Variants in ASCC3 observed in about 807,000 individuals in gnomAD.
ASCC3 encodes the protein activating signal cointegrator 1 complex subunit 3, also known as ASC-1 complex subunit P200.
Under a neutral mutation model 256.3 loss-of-function variants are expected in ASCC3, and 158 were observed. That is an observed-to-expected ratio of 0.62 (90% CI 0.54 to 0.70). The LOEUF (loss-of-function observed/expected upper bound fraction) is 0.70, where lower values mean the gene tolerates loss of function less well. ASCC3 is among the 30% of genes least tolerant of loss of function. The pLI, the probability that ASCC3 is intolerant of heterozygous loss-of-function variation, is 0.00. For synonymous variants in ASCC3, 948 were observed against 883.4 expected (o/e 1.07, Z -1.30); for missense variants, 2,259 against 2,626.0 (o/e 0.86, Z 3.05).
intron 3 of ASCC3, chr6:100,858,694 T>C: frequency 9.9e-7 from 1 of 1,012,296 alleles, no homozygotes. Context: ...CATTTGACAG[T>C]ACATTTTAAT....
intron 4 of ASCC3, among the ~76,000 whole-genome samples, chr6:100,847,302 C>A (rs1009787423): frequency 6.6e-6 from 1 of 151,938 alleles, no homozygotes; most frequent in Non-Finnish European, 1.5e-5. Flanking sequence ...ATATTATGTT[C>A]AGAATGTTAG....
intron 36 of ASCC3, among the ~76,000 whole-genome samples, chr6:100,584,027 TAGGTG>T (rs1771483167): frequency 6.6e-6 from 1 of 152,068 alleles, no homozygotes; most frequent in African/African-American, 2.4e-5. Context: ...AATTTTGGAA[TAGGTG>T]TGGTGTGGTG....
chr6:100,512,400 G>C lies in ASCC3; in HGVS notation c.6285+309C>G, dbSNP rs75101853. Among the ~76,000 whole-genome samples, 437 of 152,272 alleles carry C rather than the reference G, an allele frequency of 2.9e-3. 3 individuals carry two copies. The highest frequency in any genetic ancestry group is 0.01 in the African/African-American group (423 of 41,536). On this transcript the variant is annotated intron_variant, in intron 40 of 41. Transcript: ENST00000369162. ...TTGAGGTTCTGATTCAGCCAGTCTG[G>C]AGTGGGGCCAAGGAATCTGCACTTT...
At chr6:100,810,855 A>T (rs1770428829) in intron 4 of ASCC3, among the ~76,000 whole-genome samples, 1 of 152,294 alleles carries the variant, frequency 6.6e-6, no homozygotes, top group Middle Eastern at 3.4e-3. Flanking sequence ...CTAAATCTAC[A>T]TTAAGATTCC....
chr6:100,853,551 G>C (rs1230496312), intron 3 of ASCC3, among the ~76,000 whole-genome samples: 1 of 151,332 alleles, frequency 6.6e-6, no homozygotes, highest in African/African-American at 2.4e-5. Flanking sequence ...TGCAACCTTC[G>C]CCTCCTGGGC....
intron 3 of ASCC3, chr6:100,857,513 T>C (rs1395429880): frequency 2.0e-5 from 3 of 152,098 alleles, no homozygotes; most frequent in African/African-American, 4.8e-5. Context: ...TTGTGTATCA[T>C]GCTTAATTCT....
intron 20 of ASCC3, among the ~76,000 whole-genome samples, chr6:100,650,204 T>G (rs1043710086): frequency 1.6e-4 from 24 of 151,848 alleles, no homozygotes; most frequent in African/African-American, 5.1e-4. Flanking sequence ...TTAACTTTTC[T>G]CTTTATAAGT....
In ASCC3 at chr6:100,856,349, A is replaced by G. The variant is rs750673480; in HGVS notation, c.242-7642T>C. The G allele has an allele frequency of 2.8e-4, 268 of 960,426 alleles. 1 individual carries two copies. Among genetic ancestry groups the G allele is most frequent in the Non-Finnish European group, 3.1e-4 (250 of 807,246 alleles). 59.5% of individuals were successfully genotyped at this position (960,426 alleles called of 1,614,324 possible). ...TATTATACTTATGATACTGTTTACCAGGACCTGAGCAGGGTACATAGGAGT... is the reference window on the plus strand; with the variant it reads ...TATTATACTTATGATACTGTTTACCGGGACCTGAGCAGGGTACATAGGAGT... On this transcript the variant is annotated intron_variant, in intron 3 of 41. Transcript: ENST00000369162.
chr6:100,525,183 AGAAAGAAAG>A (rs1774516076), intron 37 of ASCC3, among the ~76,000 whole-genome samples: 1 of 135,024 alleles, frequency 7.4e-6, no homozygotes, highest in Non-Finnish European at 1.6e-5. Flanking sequence ...AAAAAAAAAA[AGAAAGAAAG>A]AAAAAGAAAA....
chr6:100,534,889 T>C (rs558149392), intron 37 of ASCC3, among the ~76,000 whole-genome samples: 1 of 152,338 alleles, frequency 6.6e-6, no homozygotes, highest in Admixed American at 6.5e-5. Context: ...TACAGAGTTT[T>C]CATAGTCTGG....
intron 8 of ASCC3, among the ~76,000 whole-genome samples, chr6:100,790,531 G>C (rs1452254220): frequency 6.6e-6 from 1 of 151,962 alleles, no homozygotes; most frequent in Non-Finnish European, 1.5e-5. Context: ...ATATTTCTGT[G>C]TGTTGTTGTA....
At chr6:100,865,605 C>T (rs1265971729) in intron 2 of ASCC3, among the ~76,000 whole-genome samples, 2 of 152,112 alleles carry the variant, frequency 1.3e-5, no homozygotes, top group Non-Finnish European at 2.9e-5. Flanking sequence ...TGTTACAAAA[C>T]TCCTTCCCGG....
intron 37 of ASCC3, among the ~76,000 whole-genome samples, chr6:100,519,167 C>T (rs1582377198): frequency 6.6e-6 from 1 of 152,076 alleles, no homozygotes; most frequent in South Asian, 2.1e-4. Flanking sequence ...ATATCCCACT[C>T]TGTTCTCTAA....
intron 36 of ASCC3, among the ~76,000 whole-genome samples, chr6:100,584,349 C>G (rs953650330): frequency 4.6e-5 from 7 of 151,640 alleles, no homozygotes; most frequent in African/African-American, 1.7e-4. Flanking sequence ...TAATGGCCTT[C>G]TTTGTGTCTT....
chr6:100,623,215 T>A (rs1273261319), intron 30 of ASCC3, among the ~76,000 whole-genome samples: 1 of 152,154 alleles, frequency 6.6e-6, no homozygotes, highest in Non-Finnish European at 1.5e-5. Flanking sequence ...AAAAAATCTT[T>A]TATCAACATT....
chr6:100,731,025 CAA>C (rs1779878889), intron 10 of ASCC3, among the ~76,000 whole-genome samples: 1 of 151,346 alleles, frequency 6.6e-6, no homozygotes. Context: ...AGCTAAAGCA[CAA>C]AGAGTGTCAC....
At chr6:100,699,375 A>G (rs540916479) in intron 13 of ASCC3, among the ~76,000 whole-genome samples, 13 of 152,242 alleles carry the variant, frequency 8.5e-5, no homozygotes, top group African/African-American at 2.9e-4. Flanking sequence ...CATCCATGTA[A>G]GACATGACTT....
chr6:100,587,741 T>C (rs1771778355), intron 36 of ASCC3, among the ~76,000 whole-genome samples: 1 of 152,182 alleles, frequency 6.6e-6, no homozygotes, highest in African/African-American at 2.4e-5. Context: ...CTGACTTTAA[T>C]TAACAAAAAT....
At chr6:100,673,922 G>C (rs1048565774) in intron 14 of ASCC3, among the ~76,000 whole-genome samples, 2 of 152,104 alleles carry the variant, frequency 1.3e-5, no homozygotes, top group Non-Finnish European at 2.9e-5. Context: ...CTTTGCCTGT[G>C]TTCTCTTTTT....
Sources: gnomAD v4.1 joint callset for allele counts (sites outside exome capture counted in the v4.1 genomes callset) on GRCh38, gnomAD v4.1.1 for gene constraint, MANE v1.5 for transcripts, NCBI Gene and HGNC (gene_info 2026-07-23, HGNC 2026-07-21) for gene names.